Variants in MTAP observed in about 807,000 individuals in gnomAD.
MTAP encodes the protein methylthioadenosine phosphorylase.
Under a neutral mutation model 33.6 loss-of-function variants are expected in MTAP, and 33 were observed. That is an observed-to-expected ratio of 0.98 (90% CI 0.74 to 1.31). The LOEUF is 1.31. Among genes scored for constraint, MTAP ranks in the 40% most tolerant of loss-of-function variants. The pLI is 0.00. For synonymous variants in MTAP, 148 were observed against 125.7 expected (o/e 1.18, Z -1.19); for missense variants, 367 against 360.0 (o/e 1.02, Z -0.16).
In MTAP at chr9:21,920,428, GTTGTGAGCATGGGCAAA is replaced by G. The variant is rs1309207873; in HGVS notation, c.148-10577_148-10561del. On this transcript the variant is annotated intron_variant, in intron 1 of 1. Transcript: ENST00000577563. ...TCAACCATAAACAATTGCAGGCACA[GTTGTGAGCATGGGCAAA>G]TTCAGGTTTTATGTGACCTGAAACT... 4.6e-5 allele frequency among the ~76,000 whole-genome samples: 7 copies of G among 152,268 alleles called. No homozygotes were observed. In the East Asian group the frequency reaches 5.8e-4, roughly 13 times the overall value.
At position 21,864,686 on chromosome 9, in the gene MTAP, C is replaced by T. The variant is rs984642755; in HGVS notation, c.*2672C>T. 1.0e-6 allele frequency: 1 copy of T among 985,326 alleles called. No homozygotes were observed. The highest frequency in any genetic ancestry group is 1.7e-5 in the African/African-American group (1 of 57,210). The allele number at this position is 985,326 out of a possible 1,614,324, so 61.0% of individuals were successfully genotyped here. A position where few individuals can be genotyped will look rare whatever the true frequency, so the allele number is the denominator to read the frequency against. On this transcript the variant is annotated 3_prime_UTR_variant, in exon 8 of 8. Transcript: ENST00000644715. ...TGGAGGTAGCTACCATGGCTTGTTTCAAGGAAGGAAACTCTGGTACGGTGG... is the reference window on the plus strand; with the variant it reads ...TGGAGGTAGCTACCATGGCTTGTTTTAAGGAAGGAAACTCTGGTACGGTGG...
chr9:21,897,590 GACAA>G (rs776932395), intron 1 of MTAP, among the ~76,000 whole-genome samples: 62 of 152,220 alleles, frequency 4.1e-4, no homozygotes, highest in Admixed American at 1.0e-3. Flanking sequence ...ACCAATAACA[GACAA>G]ACAGAGAGCC....
chr9:21,824,872 G>C (rs1279791762), intron 4 of MTAP, among the ~76,000 whole-genome samples: 1 of 152,006 alleles, frequency 6.6e-6, no homozygotes, highest in Non-Finnish European at 1.5e-5. Flanking sequence ...CAATAAGCGA[G>C]GCTCTGTGGG....
chr9:21,930,709 G>A (rs879592885), intron 1 of MTAP: 5 of 613,660 alleles, frequency 8.1e-6, no homozygotes, highest in South Asian at 1.9e-5. Context: ...AACTGTCAAG[G>A]ACTAGATATG....
chr9:21,802,659 A>G lies in MTAP; in HGVS notation c.-90A>G. 1.4e-6 allele frequency: 2 copies of G among 1,470,322 alleles called. No homozygotes were observed. The highest frequency in any genetic ancestry group is 1.2e-5 in the South Asian group (1 of 85,710). The allele number at this position is 1,470,322 out of a possible 1,614,324, so 91.1% of individuals were successfully genotyped here. A position where few individuals can be genotyped will look rare whatever the true frequency, so the allele number is the denominator to read the frequency against. On this transcript the variant is annotated 5_prime_UTR_variant, in exon 1 of 8. Coordinates refer to ENST00000644715, the MANE Select transcript of MTAP (RefSeq NM_002451.4). ...GTCTCCGCACTGCTCACTCCCGCGC[A>G]GTGAGGTTGGCACAGCCACCGCTCT...
chr9:21,913,779 G>A (rs529886899), intron 1 of MTAP, among the ~76,000 whole-genome samples: 1 of 152,248 alleles, frequency 6.6e-6, no homozygotes, highest in African/African-American at 2.4e-5. Flanking sequence ...TTGACAAATG[G>A]GATCTAATTA....
At chr9:21,888,265 C>G (rs1818145959) in intron 1 of MTAP, among the ~76,000 whole-genome samples, 1 of 152,006 alleles carries the variant, frequency 6.6e-6, no homozygotes, top group Admixed American at 6.6e-5. Flanking sequence ...GGAGAATGTT[C>G]CATGTACTGG....
In MTAP at chr9:21,822,587, C is replaced by T. The variant is rs548567660; in HGVS notation, c.347+4385C>T. Reference sequence around the variant, plus strand: ...TTTTGGAATAAGTGTGATGTGGTGCCGAGAAGAATGTATATTCTGTTGATT... The same window carrying T: ...TTTTGGAATAAGTGTGATGTGGTGCTGAGAAGAATGTATATTCTGTTGATT... On this transcript the variant is annotated intron_variant, in intron 4 of 7. Coordinates refer to ENST00000644715, the MANE Select transcript of MTAP (RefSeq NM_002451.4). 1.1e-3 allele frequency among the ~76,000 whole-genome samples: 161 copies of T among 151,606 alleles called. 1 individual carries two copies. The highest frequency in any genetic ancestry group is 3.6e-3 in the African/African-American group (147 of 41,352).
intron 5 of MTAP, among the ~76,000 whole-genome samples, chr9:21,850,636 C>G (rs1033590190): frequency 1.3e-5 from 2 of 152,170 alleles, no homozygotes; most frequent in African/African-American, 4.8e-5. Context: ...CAAGGTCCTG[C>G]CATCTTCTGC....
chr9:21,899,453 G>C (rs984093661), intron 1 of MTAP, among the ~76,000 whole-genome samples: 1 of 151,594 alleles, frequency 6.6e-6, no homozygotes, highest in African/African-American at 2.4e-5. Flanking sequence ...AGGAAAGGAA[G>C]GAAGGAAAAG....
chr9:21,940,466 A>T (rs1195590526), downstream of MTAP, among the ~76,000 whole-genome samples: 1 of 152,186 alleles, frequency 6.6e-6, no homozygotes, highest in Non-Finnish European at 1.5e-5. Context: ...GTTAGATTCT[A>T]GCCTAGTTCA....
chr9:21,867,686 A>G (rs968198704), downstream of MTAP, among the ~76,000 whole-genome samples: 1 of 148,602 alleles, frequency 6.7e-6, no homozygotes, highest in African/African-American at 2.4e-5. Context: ...TATATTTTTA[A>G]GATAAAAATA....
chr9:21,840,945 G>A (rs891016533), intron 5 of MTAP, among the ~76,000 whole-genome samples: 1 of 152,148 alleles, frequency 6.6e-6, no homozygotes, highest in Non-Finnish European at 1.5e-5. Flanking sequence ...CTGCATAGTA[G>A]CTGGATGAGG....
rs1421639223 is a variant in MTAP at position 21,867,075 on chromosome 9, T to C, written c.*5061T>C. On this transcript the variant is annotated 3_prime_UTR_variant, in exon 8 of 8. Transcript: ENST00000644715. ...CTGTAATCTTATTAAATTCACTTAG[T>C]TCAGTAGTAGTTCTTATTTTTATTT... 1 of 152,166 alleles carries C rather than the reference T, an allele frequency of 6.6e-6. No individual in the cohort carries two copies. The highest frequency in any genetic ancestry group is 2.4e-5 in the African/African-American group (1 of 41,458). 9.4% of individuals were successfully genotyped at this position (152,166 alleles called of 1,614,324 possible). A position where few individuals can be genotyped will look rare whatever the true frequency, so the allele number is the denominator to read the frequency against.
intron 5 of MTAP, among the ~76,000 whole-genome samples, chr9:21,854,053 C>G (rs930520980): frequency 6.6e-6 from 1 of 152,134 alleles, no homozygotes; most frequent in Non-Finnish European, 1.5e-5. Flanking sequence ...ATGTTTATCC[C>G]TGTGAACAGA....
intron 5 of MTAP, among the ~76,000 whole-genome samples, chr9:21,849,119 T>C (rs889749656): frequency 4.6e-5 from 7 of 152,104 alleles, no homozygotes; most frequent in African/African-American, 1.7e-4. Context: ...TCAACCAATT[T>C]CCAGACTTGA....
intron 1 of MTAP, among the ~76,000 whole-genome samples, chr9:21,911,550 A>C (rs937654919): frequency 6.6e-6 from 1 of 152,218 alleles, no homozygotes; most frequent in East Asian, 1.9e-4. Flanking sequence ...AACGAAATGA[A>C]GGCAGAAATA....
At chr9:21,827,566 A>G (rs887576289) in intron 4 of MTAP, among the ~76,000 whole-genome samples, 1 of 152,128 alleles carries the variant, frequency 6.6e-6, no homozygotes. Flanking sequence ...CATATTTCTC[A>G]CCCCAAGTTA....
intron 1 of MTAP, among the ~76,000 whole-genome samples, chr9:21,889,172 T>A (rs149510129): frequency 0.018 from 2,691 of 152,164 alleles, 54 homozygotes; most frequent in African/African-American, 0.049. Flanking sequence ...TGTTCATTTT[T>A]AAAAATTTTT....
Sources: gnomAD v4.1 joint callset for allele counts (sites outside exome capture counted in the v4.1 genomes callset) on GRCh38, gnomAD v4.1.1 for gene constraint, MANE v1.5 for transcripts, NCBI Gene and HGNC (gene_info 2026-07-23, HGNC 2026-07-21) for gene names.